The following EDARADD variants were observed in gnomAD, a reference collection of about 807,000 sequenced individuals.
EDARADD encodes ectodysplasin-A receptor-associated adapter protein.
A neutral mutation model predicts 25.6 loss-of-function variants in EDARADD; 20 were observed. The ratio of observed to expected loss-of-function variants is 0.78; its 90% CI spans 0.55 to 1.14. The LOEUF (loss-of-function observed/expected upper bound fraction) is 1.14. EDARADD is among the 50% of genes most tolerant of loss of function. The pLI is 0.00. For missense variants in EDARADD, 225 were observed against 270.1 expected (o/e 0.83, Z 1.17); for synonymous variants, 86 against 94.4 (o/e 0.91, Z 0.52).
At chr1:236,405,862 CTTCCTTCCTTCCTTCTTTCTTTCTTTCT>C (rs1667715531) in intron 1 of EDARADD, among the ~76,000 whole-genome samples, 2 of 45,504 alleles carry the variant, frequency 4.4e-5, no homozygotes, top group African/African-American at 1.9e-4. Flanking sequence ...TCCTTCCTTC[CTTCCTTCCTTCCTTCTTTCTTTCTTTCT>C]TTCTTTCTTT....
At chr1:236,461,645 G>A (rs761714857) in intron 4 of EDARADD, among the ~76,000 whole-genome samples, 3 of 152,130 alleles carry the variant, frequency 2.0e-5, no homozygotes, top group Non-Finnish European at 4.4e-5. Flanking sequence ...TCATAAGCGT[G>A]GGGAGCGTTT....
At chr1:236,476,220 A>G (rs1229879631) in intron 5 of EDARADD, among the ~76,000 whole-genome samples, 1 of 151,786 alleles carries the variant, frequency 6.6e-6, no homozygotes, top group Admixed American at 6.6e-5. Context: ...AAATAAATAA[A>G]TAAATAAATA....
chr1:236,390,079 C>T (rs1362526828), upstream of EDARADD, among the ~76,000 whole-genome samples: 6 of 152,232 alleles, frequency 3.9e-5, no homozygotes, highest in East Asian at 5.8e-4. Flanking sequence ...AACCAAACAT[C>T]GTGTGTTCTC....
intron 3 of EDARADD, among the ~76,000 whole-genome samples, chr1:236,384,180 C>T (rs1309144140): frequency 1.3e-5 from 2 of 152,130 alleles, no homozygotes; most frequent in Non-Finnish European, 2.9e-5. Flanking sequence ...TTATGCATGT[C>T]TCCTTGTACC....
intron 4 of EDARADD, among the ~76,000 whole-genome samples, chr1:236,447,206 TTCTTTCTTTCTTTCTTTCC>T (rs1367156327): frequency 9.7e-4 from 46 of 47,506 alleles, no homozygotes; most frequent in African/African-American, 3.0e-3. Context: ...CTTTCTTTCT[TTCTTTCTTTCTTTCTTTCC>T]TTTCTTTCCT....
intron 3 of EDARADD, among the ~76,000 whole-genome samples, chr1:236,360,537 GTTTTTT>G (rs869053977): frequency 0.013 from 1,766 of 131,250 alleles, 65 homozygotes; most frequent in African/African-American, 0.044. Flanking sequence ...TTAATTCACG[GTTTTTT>G]TTTTTTTTTT....
intron 4 of EDARADD, among the ~76,000 whole-genome samples, chr1:236,464,625 G>C (rs1231165523): frequency 6.6e-6 from 1 of 151,786 alleles, no homozygotes; most frequent in Admixed American, 6.6e-5. Flanking sequence ...TAGAGCCGGG[G>C]TTTTGCCATG....
chr1:236,393,391 CTTTTT>C (rs761525038), upstream of EDARADD, among the ~76,000 whole-genome samples: 58 of 87,200 alleles, frequency 6.7e-4, no homozygotes, highest in Non-Finnish European at 1.0e-3. Context: ...TTCTTTCTTT[CTTTTT>C]TTTTTTTTTT....
chr1:236,476,872 A>G (rs867227540), intron 5 of EDARADD, among the ~76,000 whole-genome samples: 2 of 151,922 alleles, frequency 1.3e-5, no homozygotes, highest in Non-Finnish European at 2.9e-5. Context: ...ATGGAGGTGC[A>G]TGCCAGCTAC....
intron 1 of EDARADD, among the ~76,000 whole-genome samples, chr1:236,401,667 A>G (rs953028133): frequency 1.3e-5 from 2 of 152,170 alleles, no homozygotes; most frequent in Non-Finnish European, 2.9e-5. Flanking sequence ...GCTTTTGGGG[A>G]TGTCGGGAGG....
Position 236,484,611 on chromosome 1 carries a change from C to A in EDARADD, c.*1962C>A. The A allele has an allele frequency of 1.7e-6, 1 of 593,886 alleles. No individual in the cohort carries two copies. The allele number at this position is 593,886 out of a possible 1,614,324, so 36.8% of individuals were successfully genotyped here. Reference sequence around the variant, plus strand: ...TACCCTTGCCCACCGCCGTGGAGTTCGCACCTCTTCCTTAGAACTTCTACA... The same window carrying A: ...TACCCTTGCCCACCGCCGTGGAGTTAGCACCTCTTCCTTAGAACTTCTACA... On this transcript the variant is annotated 3_prime_UTR_variant, in exon 6 of 6. Transcript: ENST00000334232. The surrounding 1 kb of genome is among the most constrained non-coding windows in gnomAD (Gnocchi z 4.1).
At chr1:236,405,248 G>A (rs1289397888) in intron 1 of EDARADD, among the ~76,000 whole-genome samples, 2 of 152,116 alleles carry the variant, frequency 1.3e-5, no homozygotes, top group Non-Finnish European at 2.9e-5. Flanking sequence ...CTCATCTTAA[G>A]TTCCATTTAT....
intron 1 of EDARADD, among the ~76,000 whole-genome samples, chr1:236,406,545 G>C (rs549348356): frequency 6.6e-4 from 101 of 152,312 alleles, no homozygotes; most frequent in African/African-American, 2.2e-3. Flanking sequence ...AATACAGCAG[G>C]CGGCTGTAAC....
intron 3 of EDARADD, among the ~76,000 whole-genome samples, chr1:236,367,306 T>C (rs111712950): frequency 0.14 from 21,663 of 151,796 alleles, 2,049 homozygotes; most frequent in East Asian, 0.42. Flanking sequence ...CTTGGCTCAC[T>C]GAGACCTCCG....
At position 236,484,491 on chromosome 1, in the gene EDARADD, C is replaced by A; in HGVS notation, c.*1842C>A. The A allele has an allele frequency of 6.3e-7, 1 of 1,592,036 alleles. No homozygotes were observed. The highest frequency in any genetic ancestry group is 1.7e-5 in the Admixed American group (1 of 59,826). ...GTAAGCTGTGGGCAGGCAAGCCCTT[C>A]AGTCACCTGGTGGCTAATTAGACCC... On this transcript the variant is annotated 3_prime_UTR_variant, in exon 6 of 6. Transcript: ENST00000334232. This position sits in a 1 kb window ranked among gnomAD's most constrained non-coding sequence, Gnocchi z 4.1.
chr1:236,394,436 A>C lies in EDARADD; in HGVS notation c.-9A>C, dbSNP rs1390218957. On this transcript the variant is annotated 5_prime_UTR_variant, in exon 1 of 6. Coordinates refer to ENST00000334232, the MANE Select transcript of EDARADD (RefSeq NM_145861.4). ...TCCAGAGAATTAAGAAGCCAAACTC[A>C]ACATCGCCATGGGCCTCAGGACGAC... is the stretch of plus-strand genomic sequence containing the variant. 5 of 1,614,008 alleles carry C rather than the reference A, an allele frequency of 3.1e-6. No homozygotes were observed. Among genetic ancestry groups the C allele is most frequent in the Non-Finnish European group, 4.2e-6 (5 of 1,180,002 alleles).
chr1:236,363,007 AT>A (rs1197679939), intron 3 of EDARADD, among the ~76,000 whole-genome samples: 1,201 of 40,312 alleles, frequency 0.03, 16 homozygotes, highest in African/African-American at 0.052. Flanking sequence ...AAAAAAAAAA[AT>A]ATATATATAT....
intron 2 of EDARADD, among the ~76,000 whole-genome samples, chr1:236,349,826 G>A (rs1362281572): frequency 6.6e-6 from 1 of 152,100 alleles, no homozygotes; most frequent in Non-Finnish European, 1.5e-5. Context: ...GTGGGGGAGG[G>A]TGGTGGCAGG....
At chr1:236,416,275 A>T (rs1657638620) in intron 3 of EDARADD, among the ~76,000 whole-genome samples, 1 of 152,200 alleles carries the variant, frequency 6.6e-6, no homozygotes, top group African/African-American at 2.4e-5. Flanking sequence ...TGAACACCAG[A>T]CAGGGGTGCA....
Sources: allele counts gnomAD v4.1 joint callset (sites outside exome capture counted in the v4.1 genomes callset), GRCh38; gene constraint gnomAD v4.1.1; non-coding constraint Gnocchi (gnomAD v3.1); transcripts MANE v1.5; gene names NCBI Gene and HGNC (gene_info 2026-07-23, HGNC 2026-07-21).